Variants in PAK3 observed in about 807,000 individuals in gnomAD.
The protein encoded by PAK3 is serine/threonine-protein kinase PAK 3.
PAK3 carries 4 observed loss-of-function variants against 41.0 expected under a neutral mutation model. The ratio of observed to expected loss-of-function variants is 0.10; its 90% confidence interval spans 0.05 to 0.22. The LOEUF is 0.22. Among genes scored for constraint, PAK3 ranks in the 10% least tolerant of loss-of-function variants. The pLI is 1.00. For synonymous variants in PAK3, 146 were observed against 139.6 expected, an observed-to-expected ratio of 1.05 and a Z score of -0.32; for missense variants, 205 against 409.9, an observed-to-expected ratio of 0.50 and a Z score of 4.32.
chrX:111,031,927 G>T (rs930819370), intron 1 of PAK3, among the ~76,000 whole-genome samples: 8 of 112,058 alleles, frequency 7.1e-5, no homozygotes, highest in African/African-American at 2.3e-4. Context: ...TACGGCTGTG[G>T]CTGATATCTT....
intron 1 of PAK3, among the ~76,000 whole-genome samples, chrX:110,951,670 AACTGCACGTGGAAC>A (rs1430487608): frequency 8.9e-6 from 1 of 112,429 alleles, no homozygotes; most frequent in East Asian, 2.8e-4. Context: ...AGAAATCCCT[AACTGCACGTGGAAC>A]ACCTGTAATA....
At chrX:111,044,455 C>T (rs1183163606) in intron 1 of PAK3, among the ~76,000 whole-genome samples, 1 of 111,953 alleles carries the variant, frequency 8.9e-6, no homozygotes. Context: ...GAGTTGGCAA[C>T]TTTTGCAAAG....
At chrX:111,019,526 T>C (rs2092141769) in intron 1 of PAK3, among the ~76,000 whole-genome samples, 1 of 30,125 alleles carries the variant, frequency 3.3e-5, no homozygotes, top group African/African-American at 8.1e-5. Context: ...AAACACCATC[T>C]TTACAAAAAA....
intron 1 of PAK3, among the ~76,000 whole-genome samples, chrX:110,994,566 G>A (rs780982270): frequency 1.4e-3 from 156 of 111,666 alleles, no homozygotes; most frequent in African/African-American, 4.7e-3. Context: ...GACACTTGCT[G>A]GTCCCTGAAT....
chrX:111,044,545 A>G (rs2092480087), intron 1 of PAK3, among the ~76,000 whole-genome samples: 1 of 111,875 alleles, frequency 8.9e-6, no homozygotes, highest in South Asian at 3.7e-4. Flanking sequence ...TGCTTTAGAA[A>G]CAGGGAGAGG....
chrX:111,050,882 C>T (rs2092551235), intron 1 of PAK3, among the ~76,000 whole-genome samples: 1 of 112,018 alleles, frequency 8.9e-6, no homozygotes, highest in African/African-American at 3.2e-5. Flanking sequence ...GCTTATTTGT[C>T]GTGTGTCTGT....
chrX:111,021,216 C>A (rs1447821617), intron 1 of PAK3, among the ~76,000 whole-genome samples: 1 of 112,159 alleles, frequency 8.9e-6, no homozygotes, highest in Non-Finnish European at 1.9e-5. Context: ...TACCTCCTGG[C>A]TGGGGGCCAA....
At chrX:110,945,729 G>T (rs2090604057) in intron 1 of PAK3, among the ~76,000 whole-genome samples, 1 of 108,270 alleles carries the variant, frequency 9.2e-6, no homozygotes, top group Admixed American at 9.8e-5. Context: ...TGATATAGAG[G>T]TTTTTTTTTT....
chrX:111,195,409 A>G (rs2094603505), intron 14 of PAK3, among the ~76,000 whole-genome samples: 1 of 112,137 alleles, frequency 8.9e-6, no homozygotes, highest in Non-Finnish European at 1.9e-5. Flanking sequence ...CTGGCTACCC[A>G]TTAGAAATAG....
At chrX:111,144,922 G>A (rs770468491) in intron 6 of PAK3, 11 of 1,018,459 alleles carry the variant, frequency 1.1e-5, no homozygotes, top group Non-Finnish European at 1.2e-5. Context: ...AGGGAAAAAT[G>A]GTATGAGTGA....
intron 1 of PAK3, among the ~76,000 whole-genome samples, chrX:111,034,215 A>T (rs749669194): frequency 1.8e-5 from 2 of 111,400 alleles, no homozygotes; most frequent in Non-Finnish European, 3.8e-5. Flanking sequence ...CTATGCCCAA[A>T]GGGAGAGAAG....
chrX:111,060,302 C>G (rs1223622975), intron 1 of PAK3, among the ~76,000 whole-genome samples: 1 of 111,368 alleles, frequency 9.0e-6, no homozygotes, highest in Non-Finnish European at 1.9e-5. Context: ...GTGTATATTC[C>G]TTTTTATAAG....
rs1165788009 is a variant in PAK3, at chrX:111,097,679, G to A, written c.-181G>A. On this transcript the variant is annotated 5_prime_UTR_variant, in exon 3 of 18. Transcript: ENST00000372007. ...GGCCCTGTTCTGGGATGAGCAAGGT[G>A]TAAAGGTCAGTGCGGTTTTCACTGG... 4 of 111,127 alleles carry A rather than the reference G, an allele frequency of 3.6e-5. No individual in the cohort carries two copies. Among genetic ancestry groups the A allele is most frequent in the Non-Finnish European group, 7.5e-5 (4 of 53,049 alleles). 9.2% of individuals were successfully genotyped at this position (111,127 alleles called of 1,213,427 possible).
upstream of PAK3, among the ~76,000 whole-genome samples, chrX:111,094,565 ATTG>A (rs1281248676): frequency 2.7e-5 from 3 of 110,100 alleles, no homozygotes; most frequent in Admixed American, 9.7e-5. Flanking sequence ...AGAGTGGATC[ATTG>A]TTGTTGTTTT....
At chrX:111,095,007 C>T (rs1036939187), upstream of PAK3, among the ~76,000 whole-genome samples, 3 of 111,092 alleles carry the variant, frequency 2.7e-5, no homozygotes, top group East Asian at 2.8e-4. Context: ...CTCTTTTGTA[C>T]GACTTTTACT....
At chrX:111,168,781 A>T (rs937791439) in intron 10 of PAK3, among the ~76,000 whole-genome samples, 5 of 112,036 alleles carry the variant, frequency 4.5e-5, no homozygotes, top group Non-Finnish European at 1.9e-5. Context: ...CTATATGGAA[A>T]AAAGTTGCTT....
At chrX:110,998,219 G>A (rs2091777579) in intron 1 of PAK3, among the ~76,000 whole-genome samples, 1 of 111,694 alleles carries the variant, frequency 9.0e-6, no homozygotes, top group South Asian at 3.7e-4. Context: ...GAAGTCCAAG[G>A]ACTGATCCCT....
chrX:111,088,052 A>AT (rs1328384894), intron 1 of PAK3, among the ~76,000 whole-genome samples: 2 of 111,186 alleles, frequency 1.8e-5, no homozygotes, highest in African/African-American at 6.5e-5. Flanking sequence ...ACCTGAGGAG[A>AT]TTTTTTAAAA....
intron 6 of PAK3, among the ~76,000 whole-genome samples, chrX:111,142,821 G>T (rs893572907): frequency 9.0e-6 from 1 of 110,823 alleles, no homozygotes; most frequent in Non-Finnish European, 1.9e-5. Context: ...TCTCTCTAGA[G>T]ATGTCATGCA....
Sources: gnomAD v4.1 joint callset for allele counts (sites outside exome capture counted in the v4.1 genomes callset) on GRCh38, gnomAD v4.1.1 for gene constraint, MANE v1.5 for transcripts, NCBI Gene and HGNC (gene_info 2026-07-23, HGNC 2026-07-21) for gene names.